The following GRM7 variants were observed in gnomAD, a reference collection of about 807,000 sequenced individuals.
GRM7 encodes metabotropic glutamate receptor 7.
Under a neutral mutation model 84.5 loss-of-function variants are expected in GRM7, and 35 were observed. The ratio of observed to expected loss-of-function variants is 0.41; its 90% CI spans 0.32 to 0.55. GRM7 has a LOEUF of 0.55. Among genes scored for constraint, GRM7 ranks in the 20% least tolerant of loss-of-function variants. The pLI, the probability that GRM7 is intolerant of heterozygous loss-of-function variation, is 0.19. For synonymous variants in GRM7, 487 were observed against 455.1 expected (o/e 1.07, Z -0.89); for missense variants, 1,003 against 1,194.6 (o/e 0.84, Z 2.36).
intron 5 of GRM7, among the ~76,000 whole-genome samples, chr3:7,425,011 C>T (rs1038817661): frequency 3.9e-5 from 6 of 152,130 alleles, no homozygotes; most frequent in Non-Finnish European, 7.4e-5. Flanking sequence ...GCTTATTTCT[C>T]CCTATGCTGT....
intron 7 of GRM7, among the ~76,000 whole-genome samples, chr3:7,496,549 T>C (rs1458307470): frequency 2.0e-5 from 3 of 152,146 alleles, no homozygotes; most frequent in East Asian, 1.9e-4. Flanking sequence ...CTGGATTAGA[T>C]CTTATAATGA....
In GRM7 at chr3:7,713,133, T is replaced by G. The variant is rs938054156; in HGVS notation, c.2699-27224T>G. On this transcript the variant is annotated intron_variant, in intron 9 of 9. Coordinates refer to ENST00000357716, the MANE Select transcript of GRM7 (RefSeq NM_000844.4). ...ATTCGAATTTTGTTTTGTTTTTTTT[T>G]TTTTTTTTTTTTTTTTTTTGAGACA... Among the ~76,000 whole-genome samples the G allele has an allele frequency of 1.4e-4, 19 of 137,332 alleles. 1 individual carries two copies. The highest frequency in any genetic ancestry group is 1.2e-3 in the Admixed American group (16 of 13,816). 90.1% of individuals were successfully genotyped at this position (137,332 alleles called of 152,430 possible).
rs397988598 is a variant in GRM7 at position 7,240,120 on chromosome 3, G to GTTT, written c.737-58542_737-58540dup. ...TACCAGTAATCTTTTAGCATGTGAG[G>GTTT]TTTTTTTTTTTTTTTTTTTTTTTTC... On this transcript the variant is annotated intron_variant, in intron 2 of 9. Transcript: ENST00000357716. Among the ~76,000 whole-genome samples, 42 of 52,720 alleles carry GTTT rather than the reference G, an allele frequency of 8.0e-4. 3 individuals carry two copies. Among genetic ancestry groups the GTTT allele is most frequent in the African/African-American group, 2.6e-3 (37 of 14,268 alleles). 34.6% of individuals were successfully genotyped at this position (52,720 alleles called of 152,430 possible).
At chr3:7,221,100 C>G (rs1042278079) in intron 2 of GRM7, among the ~76,000 whole-genome samples, 7 of 151,444 alleles carry the variant, frequency 4.6e-5, no homozygotes, top group African/African-American at 1.7e-4. Flanking sequence ...GTCTAAAAAG[C>G]AAAACAAAAC....
rs868521494 is a variant in GRM7, at chr3:7,284,916, A to T, written c.737-13768A>T. 4.6e-5 allele frequency among the ~76,000 whole-genome samples: 7 copies of T among 152,210 alleles called. 1 individual carries two copies. The highest frequency in any genetic ancestry group is 2.9e-5 in the Non-Finnish European group (2 of 68,042). On this transcript the variant is annotated intron_variant, in intron 2 of 9. Transcript: ENST00000357716. ...TATAATGCTTATTAAAGGATACCCA[A>T]TAAAAATGATGCTAATTTGAAGCTT... is the stretch of plus-strand genomic sequence containing the variant.
intron 3 of GRM7, among the ~76,000 whole-genome samples, chr3:7,303,283 A>T (rs1700072886): frequency 6.6e-6 from 1 of 152,178 alleles, no homozygotes; most frequent in African/African-American, 2.4e-5. Flanking sequence ...TAAAAAAACT[A>T]AAATATGACT....
intron 1 of GRM7, among the ~76,000 whole-genome samples, chr3:7,135,964 T>C (rs1470642941): frequency 1.3e-5 from 2 of 152,074 alleles, no homozygotes; most frequent in African/African-American, 4.8e-5. Flanking sequence ...GTGACAATTA[T>C]TGACAGTAAG....
intron 7 of GRM7, among the ~76,000 whole-genome samples, chr3:7,466,366 A>G (rs1698459905): frequency 6.6e-6 from 1 of 152,188 alleles, no homozygotes; most frequent in African/African-American, 2.4e-5. Context: ...TTGAAGGTTA[A>G]GTAGTAGTTC....
intron 2 of GRM7, among the ~76,000 whole-genome samples, chr3:7,178,657 A>G (rs1201901126): frequency 1.3e-5 from 2 of 152,198 alleles, no homozygotes; most frequent in Admixed American, 1.3e-4. Flanking sequence ...GCAAAATTGC[A>G]GATGGGTGTC....
At chr3:6,932,292 C>T (rs887384230) in intron 1 of GRM7, among the ~76,000 whole-genome samples, 2 of 152,184 alleles carry the variant, frequency 1.3e-5, no homozygotes, top group African/African-American at 4.8e-5. Context: ...TATTCTTAGT[C>T]TTAACCCTTT....
intron 1 of GRM7, among the ~76,000 whole-genome samples, chr3:6,916,391 G>C (rs1696940724): frequency 6.6e-6 from 1 of 152,200 alleles, no homozygotes; most frequent in African/African-American, 2.4e-5. Context: ...AGTGCTATTT[G>C]AACTGAGACC....
At chr3:7,273,906 C>G (rs377694392) in intron 2 of GRM7, among the ~76,000 whole-genome samples, 7 of 152,068 alleles carry the variant, frequency 4.6e-5, no homozygotes, top group African/African-American at 1.7e-4. Context: ...ATGCTTGCCA[C>G]TGTTTTTTAT....
chr3:6,966,496 A>G (rs1232631447), intron 1 of GRM7, among the ~76,000 whole-genome samples: 1 of 152,234 alleles, frequency 6.6e-6, no homozygotes, highest in East Asian at 1.9e-4. Context: ...AGAGAGCAGA[A>G]ACAGTGTTTA....
intron 1 of GRM7, among the ~76,000 whole-genome samples, chr3:6,916,574 C>T (rs912406199): frequency 1.1e-4 from 16 of 152,112 alleles, no homozygotes; most frequent in African/African-American, 3.4e-4. Flanking sequence ...GGTGAGGGCT[C>T]TCGGCATCTT....
chr3:7,373,455 A>G (rs1488582523), intron 4 of GRM7, among the ~76,000 whole-genome samples: 2 of 152,162 alleles, frequency 1.3e-5, no homozygotes, highest in Non-Finnish European at 2.9e-5. Flanking sequence ...GGTGCCTGCT[A>G]GGTCTAGCTT....
chr3:7,199,079 G>T (rs946431830), intron 2 of GRM7, among the ~76,000 whole-genome samples: 1 of 152,192 alleles, frequency 6.6e-6, no homozygotes, highest in Non-Finnish European at 1.5e-5. Context: ...CTTCCTGTCA[G>T]TGGGAAGTGT....
At chr3:7,418,047 A>G (rs1696245323) in intron 5 of GRM7, among the ~76,000 whole-genome samples, 1 of 152,158 alleles carries the variant, frequency 6.6e-6, no homozygotes, top group African/African-American at 2.4e-5. Flanking sequence ...TCATAATTTT[A>G]CTTGGGGCTA....
chr3:7,643,263 G>A (rs934654628), intron 8 of GRM7, among the ~76,000 whole-genome samples: 10 of 137,688 alleles, frequency 7.3e-5, no homozygotes, highest in Admixed American at 2.2e-4. Flanking sequence ...TATTTCTTAC[G>A]CTTTCTGAGA....
chr3:7,472,158 A>G (rs1370033379), intron 7 of GRM7, among the ~76,000 whole-genome samples: 2 of 152,110 alleles, frequency 1.3e-5, no homozygotes, highest in African/African-American at 4.8e-5. Context: ...CTGGCTTCTC[A>G]TCACCTTCTG....
Sources: gnomAD v4.1 joint callset for allele counts (sites outside exome capture counted in the v4.1 genomes callset) on GRCh38, gnomAD v4.1.1 for gene constraint, MANE v1.5 for transcripts, NCBI Gene and HGNC (gene_info 2026-07-23, HGNC 2026-07-21) for gene names.